The following SLC14A2 variants were observed in gnomAD, a reference collection of about 807,000 sequenced individuals.
SLC14A2 encodes the protein urea transporter 2.
SLC14A2 carries 91 observed loss-of-function variants against 104.6 expected under a neutral mutation model. The observed-to-expected ratio is 0.87, with a 90% CI of 0.73 to 1.04. SLC14A2 has a LOEUF of 1.04. Among genes scored for constraint, SLC14A2 ranks in the 50% least tolerant of loss-of-function variants. SLC14A2 has a pLI of 0.00. For missense variants in SLC14A2, 1,189 were observed against 1,156.0 expected, an observed-to-expected ratio of 1.03 and a Z score of -0.41; for synonymous variants, 476 against 466.4, an observed-to-expected ratio of 1.02 and a Z score of -0.27.
At chr18:45,636,912 T>A in intron 5 of SLC14A2, 78 bp from the exon 6 acceptor site, 1 of 1,149,782 alleles carries the variant, frequency 8.7e-7, no homozygotes, top group Non-Finnish European at 1.3e-6. Context: ...CAGTGGATGA[T>A]ACAGTGGCCA....
intron 1 of SLC14A2, among the ~76,000 whole-genome samples, chr18:45,231,998 C>A (rs764260215): frequency 2.0e-5 from 3 of 151,688 alleles, no homozygotes; most frequent in Non-Finnish European, 4.4e-5. Flanking sequence ...CCTTGAGAAC[C>A]AAGCTAAAGG....
At position 45,457,263 on chromosome 18, in the gene SLC14A2, C is replaced by G. The variant is rs142288363; in HGVS notation, c.-124-25970C>G. On this transcript the variant is annotated intron_variant, in intron 1 of 20. Transcript: ENST00000586448. ...TAGAGTACAGTAAACAACTATAGCC[C>G]TTTTTCAGCCAGTTTGCTGGACAAT... Among the ~76,000 whole-genome samples the G allele has an allele frequency of 1.0e-2, 1,519 of 152,098 alleles. 15 individuals are homozygous for G. Among genetic ancestry groups the G allele is most frequent in the African/African-American group, 0.024 (1,002 of 41,466 alleles).
intron 18 of SLC14A2, among the ~76,000 whole-genome samples, chr18:45,675,136 C>T (rs2046205283): frequency 6.6e-6 from 1 of 152,168 alleles, no homozygotes; most frequent in African/African-American, 2.4e-5. Context: ...CATCATCTCC[C>T]AAAAGTGCCA....
chr18:45,244,641 G>C (rs527702053), intron 1 of SLC14A2, among the ~76,000 whole-genome samples: 12 of 151,894 alleles, frequency 7.9e-5, no homozygotes, highest in South Asian at 4.2e-4. Flanking sequence ...AAAAAGGAGT[G>C]GGGGGGTGGG....
chr18:45,564,737 C>T (rs1044350667), intron 2 of SLC14A2, among the ~76,000 whole-genome samples: 1 of 152,074 alleles, frequency 6.6e-6, no homozygotes, highest in Non-Finnish European at 1.5e-5. Context: ...TGCATTGTGC[C>T]AATGAAGGGC....
intron 2 of SLC14A2, among the ~76,000 whole-genome samples, chr18:45,534,392 A>G (rs2043748977): frequency 6.6e-6 from 1 of 152,196 alleles, no homozygotes; most frequent in South Asian, 2.1e-4. Context: ...CAGACGCGAC[A>G]TGCCTGGGAC....
At chr18:45,451,569 A>G (rs1417307588) in intron 1 of SLC14A2, among the ~76,000 whole-genome samples, 1 of 152,182 alleles carries the variant, frequency 6.6e-6, no homozygotes, top group Admixed American at 6.5e-5. Flanking sequence ...TATTCCCAAA[A>G]TTGAATATAA....
At chr18:45,668,158 T>C in intron 14 of SLC14A2, 136 bp downstream of exon 14, 1 of 1,134,416 alleles carries the variant, frequency 8.8e-7, no homozygotes, top group African/African-American at 1.6e-5. Flanking sequence ...CCTGGTTATT[T>C]TGTCATAGCA....
intron 1 of SLC14A2, among the ~76,000 whole-genome samples, chr18:45,244,787 G>A (rs2084352433): frequency 6.6e-6 from 1 of 152,194 alleles, no homozygotes; most frequent in African/African-American, 2.4e-5. Context: ...ATGGTAGAAA[G>A]AGGCAGAAAA....
intron 1 of SLC14A2, among the ~76,000 whole-genome samples, chr18:45,242,160 G>A (rs1266611784): frequency 6.6e-6 from 1 of 152,090 alleles, no homozygotes; most frequent in African/African-American, 2.4e-5. Flanking sequence ...TGGGGGTTTG[G>A]GAGCAGATGA....
rs541238756 is a variant in SLC14A2 at position 45,252,996 on chromosome 18, G to T, written c.-125+39805G>T. 8.5e-5 allele frequency among the ~76,000 whole-genome samples: 13 copies of T among 152,144 alleles called. No individual in the cohort carries two copies. In the South Asian group the frequency reaches 2.7e-3, roughly 32 times the overall value. On this transcript the variant is annotated intron_variant, in intron 1 of 20. Transcript: ENST00000586448. ...CTATTCAAAAAAGATGGATGTTGGG[G>T]TGCTCAGGAAACAAAGCCATGACTG...
the SLC14A2 span, among the ~76,000 whole-genome samples, chr18:45,183,996 C>T: frequency 7.2e-6 from 1 of 139,804 alleles, no homozygotes; most frequent in Non-Finnish European, 1.5e-5. Context: ...TCAAGCAATC[C>T]TCCAATCTCG....
chr18:45,674,958 G>A lies in SLC14A2; in HGVS notation c.2512+1141G>A, dbSNP rs936989860. On this transcript the variant is annotated intron_variant, in intron 18 of 19. Transcript: ENST00000255226. ...CAAGTCCCAGCCTTGACAAAGAGGT[G>A]AAGTGGCTCAACTGCGTGTAAAAGA... 3.3e-5 allele frequency among the ~76,000 whole-genome samples: 5 copies of A among 152,332 alleles called. No individual in the cohort carries two copies. The East Asian group carries it at 9.7e-4, about 29-fold the overall frequency.
chr18:45,202,333 G>A, the SLC14A2 span, among the ~76,000 whole-genome samples: 17 of 152,194 alleles, frequency 1.1e-4, no homozygotes, highest in East Asian at 3.1e-3. Context: ...TTGATCCTTA[G>A]GATAAAGTCA....
At chr18:45,647,360 C>A (rs1034191304) in intron 10 of SLC14A2, 8 of 152,280 alleles carry the variant, frequency 5.3e-5, no homozygotes, top group Admixed American at 2.0e-4. Context: ...ATGGTTTTAT[C>A]CCCTTCTCAT....
At chr18:45,405,364 G>T (rs935479068) in intron 1 of SLC14A2, among the ~76,000 whole-genome samples, 3 of 152,230 alleles carry the variant, frequency 2.0e-5, no homozygotes, top group African/African-American at 7.2e-5. Flanking sequence ...ATGTACCTCA[G>T]TCAGGAGTCT....
At chr18:45,624,891 C>A in intron 2 of SLC14A2, 77 bp downstream of exon 2, 1 of 1,445,852 alleles carries the variant, frequency 6.9e-7, no homozygotes, top group Non-Finnish European at 9.5e-7. Flanking sequence ...GCCGCTTTCC[C>A]ACCTTCCCAG....
chr18:45,317,587 C>T (rs1022905617), intron 1 of SLC14A2, among the ~76,000 whole-genome samples: 7 of 152,112 alleles, frequency 4.6e-5, no homozygotes, highest in African/African-American at 1.7e-4. Context: ...TGAATAAGAG[C>T]TGGCAAAATA....
intron 1 of SLC14A2, among the ~76,000 whole-genome samples, chr18:45,308,011 C>T (rs2085041268): frequency 6.6e-6 from 1 of 151,952 alleles, no homozygotes; most frequent in Non-Finnish European, 1.5e-5. Flanking sequence ...AATGGGAGCC[C>T]GAGAGAGATG....
Sources: allele counts gnomAD v4.1 joint callset (sites outside exome capture counted in the v4.1 genomes callset), GRCh38; gene constraint gnomAD v4.1.1; transcripts MANE v1.5; gene names NCBI Gene and HGNC (gene_info 2026-07-23, HGNC 2026-07-21).